Variants in CTSK observed in about 807,000 individuals in gnomAD.
CTSK encodes the protein cathepsin O.
CTSK carries 26 observed loss-of-function variants against 40.5 expected under a neutral mutation model. The ratio of observed to expected loss-of-function variants is 0.64; its 90% confidence interval spans 0.47 to 0.89. The LOEUF (loss-of-function observed/expected upper bound fraction) is 0.89. CTSK is among the 40% of genes least tolerant of loss of function. The pLI is 0.00. For missense variants in CTSK, 292 were observed against 400.1 expected, an observed-to-expected ratio of 0.73 and a Z score of 2.30; for synonymous variants, 132 against 143.2, an observed-to-expected ratio of 0.92 and a Z score of 0.56.
intron 5 of CTSK, among the ~76,000 whole-genome samples, chr1:150,802,808 G>C (rs1654018170): frequency 6.6e-6 from 1 of 152,146 alleles, no homozygotes; most frequent in Non-Finnish European, 1.5e-5. Flanking sequence ...TGAGGCGAGA[G>C]GATTGCTTGA....
rs1238352255 is a variant in CTSK, at chr1:150,796,315, C to G, written c.*484G>C. On this transcript the variant is annotated 3_prime_UTR_variant, in exon 8 of 8. Transcript: ENST00000271651. ...ATCACATTTCTTTTTATCATGTAAACTTGTACCAAAGACTTATGAATAGAT... is the reference window on the plus strand; with the variant it reads ...ATCACATTTCTTTTTATCATGTAAAGTTGTACCAAAGACTTATGAATAGAT... 2 of 181,682 alleles carry G rather than the reference C, an allele frequency of 1.1e-5. No individual in the cohort carries two copies. 11.3% of individuals were successfully genotyped at this position (181,682 alleles called of 1,614,324 possible).
intron 5 of CTSK, among the ~76,000 whole-genome samples, chr1:150,800,194 C>CAAA (rs57369418): frequency 7.0e-5 from 5 of 71,716 alleles, no homozygotes; most frequent in Non-Finnish European, 1.2e-4. Context: ...GACTCCATCT[C>CAAA]AAAAAAAAAA....
intron 1 of CTSK, chr1:150,807,345 G>A (rs754268561): frequency 6.4e-6 from 3 of 471,188 alleles, no homozygotes; most frequent in Non-Finnish European, 8.8e-6. Flanking sequence ...CCCAGATCTT[G>A]TCAGAAGAGG....
At chr1:150,807,446 CT>C (rs1469865432) in intron 1 of CTSK, 5 of 464,324 alleles carry the variant, frequency 1.1e-5, no homozygotes, top group African/African-American at 6.0e-5. Context: ...TTTTCTCTCC[CT>C]TCCCTCCTTA....
Position 150,807,078 on chromosome 1 carries a change from TCTCA to T in CTSK, c.-1-276_-1-273del, listed in dbSNP as rs879139464. 0.15 allele frequency among the ~76,000 whole-genome samples: 17,779 copies of T among 120,216 alleles called. 1,327 individuals are homozygous for T. Among genetic ancestry groups the T allele is most frequent in the East Asian group, 0.33 (1,352 of 4,122 alleles). The allele number at this position is 120,216 out of a possible 152,430, so 78.9% of individuals were successfully genotyped here. ...CTGTTTCTCTCTCTGTCTCTCTCTC[TCTCA>T]CACACACACACACACACACACACAC... On this transcript the variant is annotated intron_variant, in intron 1 of 7. Coordinates refer to ENST00000271651, the MANE Select transcript of CTSK (RefSeq NM_000396.4).
intron 5 of CTSK, 100 bp downstream of exon 5, chr1:150,803,921 A>G: frequency 9.5e-7 from 1 of 1,051,452 alleles, no homozygotes; most frequent in Non-Finnish European, 1.5e-6. Context: ...GCAGGATAGG[A>G]TAACAGAAAA....
chr1:150,798,394 A>T (rs1653915070), intron 7 of CTSK, among the ~76,000 whole-genome samples: 1 of 152,232 alleles, frequency 6.6e-6, no homozygotes, highest in Non-Finnish European at 1.5e-5. Context: ...CACATTAGAG[A>T]CAAAAGAAAG....
intron 4 of CTSK, 115 bp from the exon 5 acceptor site, chr1:150,804,354 T>C (rs77710483): frequency 3.7e-6 from 3 of 811,870 alleles, no homozygotes; most frequent in African/African-American, 3.4e-5. Flanking sequence ...AATGTTGTCA[T>C]TGTTGTGAGT....
chr1:150,799,725 T>C lies in CTSK; in HGVS notation c.619-16A>G. The C allele has an allele frequency of 1.2e-6, 2 of 1,613,448 alleles. No individual in the cohort carries two copies. The highest frequency in any genetic ancestry group is 2.2e-5 in the South Asian group (2 of 91,074). On this transcript the variant is annotated splice_polypyrimidine_tract_variant and intron_variant, in intron 5 of 7. Coordinates refer to ENST00000271651, the MANE Select transcript of CTSK (RefSeq NM_000396.4). ...AACTCTCTTCCTGGAAGAAACAAGA[T>C]TGTAATAGGACTAGGACAAAGCAAT...
intron 1 of CTSK, among the ~76,000 whole-genome samples, 199 bp from the exon 2 acceptor site, chr1:150,807,005 T>TCTCTCTCTCTCTCTCTCTCTCTCTC (rs146635750): frequency 7.2e-6 from 1 of 138,966 alleles, no homozygotes; most frequent in Non-Finnish European, 1.6e-5. Flanking sequence ...ATTTCTCTCT[T>TCTCTCTCTCTCTCTCTCTCTCTCTC]TCTCTCTCTC....
chr1:150,803,943 G>A (rs1654038557), intron 5 of CTSK, 78 bp downstream of exon 5: 5 of 1,193,760 alleles, frequency 4.2e-6, no homozygotes, highest in Non-Finnish European at 6.3e-6. Context: ...AGTATTTCTG[G>A]AATTGTTTCC....
Position 150,805,919 on chromosome 1 carries a change from C to G in CTSK, c.341G>C (p.Arg114Thr). 1.2e-6 allele frequency: 2 copies of G among 1,614,190 alleles called. No homozygotes were observed. The highest frequency in any genetic ancestry group is 1.7e-6 in the Non-Finnish European group (2 of 1,180,022). ...DTLYIPEWEG[R>T]APDSVDYRKK... ...TCGATAGTCGACAGAGTCTGGGGCT[C>G]TACCTTCCCATTCTGGGATATAAAG... The change falls in exon 4 of 8, where the codon AGA becomes ACA. Residue 114 changes from arginine (R) to threonine (T), a missense_variant. Transcript: ENST00000271651.
chr1:150,800,065 C>T (rs1261410443), intron 5 of CTSK, among the ~76,000 whole-genome samples: 1 of 151,844 alleles, frequency 6.6e-6, no homozygotes, highest in Non-Finnish European at 1.5e-5. Context: ...GGCGTGGTAG[C>T]GGGCGCCTGT....
intron 5 of CTSK, among the ~76,000 whole-genome samples, chr1:150,800,234 A>C (rs1653965494): frequency 6.8e-6 from 1 of 146,652 alleles, no homozygotes; most frequent in African/African-American, 2.5e-5. Context: ...TTAAGACATA[A>C]ATGTGGGAGG....
intron 1 of CTSK, among the ~76,000 whole-genome samples, chr1:150,807,951 G>C (rs1052659572): frequency 6.6e-6 from 1 of 152,138 alleles, no homozygotes; most frequent in African/African-American, 2.4e-5. Context: ...CTGCAGAAAG[G>C]CCACTCTTGA....
intron 1 of CTSK, 75 bp downstream of exon 1, chr1:150,808,137 CAA>C (rs1481767371): frequency 6.6e-6 from 1 of 152,178 alleles, no homozygotes; most frequent in Non-Finnish European, 1.5e-5. Context: ...TTGTGATCCT[CAA>C]GTCACTACAT....
At position 150,797,943 on chromosome 1, in the gene CTSK, A is replaced by T. The variant is rs77103677; in HGVS notation, c.891-1045T>A. Among the ~76,000 whole-genome samples, 1,220 of 152,332 alleles carry T rather than the reference A, an allele frequency of 8.0e-3. 9 individuals are homozygous for T. Among genetic ancestry groups the T allele is most frequent in the Non-Finnish European group, 0.011 (729 of 68,034 alleles). On this transcript the variant is annotated intron_variant, in intron 7 of 7. Transcript: ENST00000271651. ...CTTGAGTTGGAACTGTGATATAAAA[A>T]GTTGCTTCAGGTTTGAACAACACCA... is the stretch of plus-strand genomic sequence containing the variant.
chr1:150,796,841 G>A lies in CTSK; in HGVS notation c.948C>T (p.Asn316=), dbSNP rs141482674. The change falls in exon 8 of 8, where the codon AAC becomes AAT. Residue 316 remains asparagine, a synonymous_variant. Transcript: ENST00000271651. ...TGGCCAGGTTGGCAATGCCACAGGC[G>A]TTGTTCTTATTTCGAGCCATGAGGA... ...GYILMARNKN[N]ACGIANLASF... is the part of the protein sequence containing the mutation. The A allele has an allele frequency of 4.0e-5, 64 of 1,613,914 alleles. No homozygotes were observed. The highest frequency in any genetic ancestry group is 1.6e-4 in the Middle Eastern group (1 of 6,084).
At chr1:150,801,512 AT>A (rs1349725314) in intron 5 of CTSK, among the ~76,000 whole-genome samples, 2 of 150,504 alleles carry the variant, frequency 1.3e-5, no homozygotes, top group African/African-American at 2.4e-5. Flanking sequence ...AAAATTAATC[AT>A]TTTACTAATT....
Sources: gnomAD v4.1 joint callset for allele counts (sites outside exome capture counted in the v4.1 genomes callset) on GRCh38, gnomAD v4.1.1 for gene constraint, MANE v1.5 for transcripts, NCBI Gene and HGNC (gene_info 2026-07-23, HGNC 2026-07-21) for gene names.